Variants in ZFYVE19 observed in about 807,000 individuals in gnomAD.
The protein encoded by ZFYVE19 is abscission/NoCut checkpoint regulator.
In ZFYVE19, 49 loss-of-function variants were observed where a neutral mutation model predicts 62.8. The observed-to-expected ratio is 0.78, with a 90% confidence interval of 0.62 to 0.99. The LOEUF (loss-of-function observed/expected upper bound fraction) is 0.99. ZFYVE19 is among the 50% of genes least tolerant of loss of function. The pLI, the probability that ZFYVE19 is intolerant of heterozygous loss-of-function variation, is 0.00. For missense variants in ZFYVE19, 630 were observed against 601.9 expected (o/e 1.05, Z -0.49); for synonymous variants, 242 against 234.3 (o/e 1.03, Z -0.30).
intron 1 of ZFYVE19, chr15:40,808,378 G>C: frequency 6.3e-7 from 1 of 1,596,634 alleles, no homozygotes; most frequent in South Asian, 1.1e-5. Context: ...GTAAACTGCA[G>C]GTTCCCTCTG....
Position 40,809,472 on chromosome 15 carries a change from A to T in ZFYVE19, c.452+14A>T. 6.2e-7 allele frequency: 1 copy of T among 1,613,992 alleles called. No individual in the cohort carries two copies. The highest frequency in any genetic ancestry group is 8.5e-7 in the Non-Finnish European group (1 of 1,179,872). ...GAACTATAAGAAGTAAGTGCTGAAG[A>T]GAAAAAGACAAAGAGCATTGGGGAA... On this transcript the variant is annotated intron_variant, in intron 3 of 10. Transcript: ENST00000355341.
chr15:40,813,018 C>A, intron 7 of ZFYVE19, 116 bp downstream of exon 7: 2 of 1,216,402 alleles, frequency 1.6e-6, no homozygotes, highest in Non-Finnish European at 2.3e-6. Context: ...CAGCCCAGAG[C>A]CACAAGGAAG....
Position 40,807,293 on chromosome 15 carries a change from C to T in ZFYVE19, c.-297C>T, listed in dbSNP as rs1245667705. 6.2e-7 allele frequency: 1 copy of T among 1,612,548 alleles called. No homozygotes were observed. The highest frequency in any genetic ancestry group is 2.2e-5 in the East Asian group (1 of 44,858). On this transcript the variant is annotated 5_prime_UTR_variant, in exon 1 of 11. An upstream open reading frame in the 5' UTR gains an earlier in-frame stop. Transcript: ENST00000355341. ...CCGAATGAACCTGGAGAGCGGATGC[C>T]AGCAGTGGCCGAGGCGCTAGGACAG... is the stretch of plus-strand genomic sequence containing the variant.
chr15:40,811,558 A>G (rs1364775436), intron 6 of ZFYVE19, among the ~76,000 whole-genome samples: 4 of 151,884 alleles, frequency 2.6e-5, no homozygotes, highest in East Asian at 1.9e-4. Context: ...CTTTAGAGGC[A>G]CAATCTCATT....
chr15:40,810,260 G>C, intron 5 of ZFYVE19, 44 bp downstream of exon 5: 1 of 1,606,116 alleles, frequency 6.2e-7, no homozygotes, highest in Non-Finnish European at 8.5e-7. Flanking sequence ...GCTAGCGGGA[G>C]GACCCAGCAG....
chr15:40,810,805 C>G, intron 6 of ZFYVE19, 48 bp downstream of exon 6: 1 of 1,548,164 alleles, frequency 6.5e-7, no homozygotes, highest in Non-Finnish European at 8.7e-7. Flanking sequence ...CCTCTTTCCC[C>G]AGACTGGAGA....
intron 1 of ZFYVE19, 75 bp from the exon 2 acceptor site, chr15:40,809,044 T>C (rs953993829): frequency 1.3e-6 from 2 of 1,581,756 alleles, no homozygotes; most frequent in African/African-American, 1.3e-5. Context: ...TCTCTCTGTG[T>C]GTGCTTGGAG....
In ZFYVE19 at chr15:40,807,826, G is replaced by T; in HGVS notation, c.237G>T (p.Arg79Ser). 1.9e-6 allele frequency: 3 copies of T among 1,539,448 alleles called. No homozygotes were observed. The highest frequency in any genetic ancestry group is 2.6e-6 in the Non-Finnish European group (3 of 1,150,316). The part of the protein sequence containing the change: ...PAVLGATMES[R>S]CYGCAVKFTL... ...TGCTGGGAGCCACCATGGAGAGTAG[G>T]TGCTACGGCTGCGCTGTCAAGTTCA... Residue 79 changes from arginine (R) to serine (S), a missense_variant, in exon 1 of 11, where the codon AGG (arginine) becomes AGT (serine). Coordinates refer to ENST00000355341, the MANE Select transcript of ZFYVE19 (RefSeq NM_001077268.2).
In ZFYVE19 at chr15:40,807,122, G is replaced by C. The variant is rs1302928204; in HGVS notation, c.-468G>C. On this transcript the variant is annotated 5_prime_UTR_variant, in exon 1 of 11. Transcript: ENST00000355341. ...CTGCCTCGCCCCGCGGCCTCTAGGA[G>C]ACAGGGGCCACGGGGAGAGCACAGC... 1.1e-6 allele frequency: 1 copy of C among 940,320 alleles called. No individual in the cohort carries two copies. 58.2% of individuals were successfully genotyped at this position (940,320 alleles called of 1,614,324 possible). A position where few individuals can be genotyped will look rare whatever the true frequency, so the allele number is the denominator to read the frequency against.
At chr15:40,808,971 C>A in intron 1 of ZFYVE19, 148 bp from the exon 2 acceptor site, 3 of 1,003,634 alleles carry the variant, frequency 3.0e-6, no homozygotes, top group South Asian at 1.5e-5. Flanking sequence ...ACTCACCATC[C>A]CTAGGCCTTA....
rs1181376902 is a variant in ZFYVE19 at position 40,812,557 on chromosome 15, AAAAGAAAGAAAG to A, written c.827-118_827-107del. ...CGAGACTCCATCTCAAAAAAAAAAA[AAAAGAAAGAAAG>A]AAAGAAAGAAAGAAAGAAAGAAAAA... On this transcript the variant is annotated intron_variant, in intron 6 of 10. Transcript: ENST00000355341. 3.4e-4 allele frequency: 158 copies of A among 465,044 alleles called. 1 individual carries two copies. The highest frequency in any genetic ancestry group is 8.2e-4 in the African/African-American group (33 of 40,056). The allele number at this position is 465,044 out of a possible 1,614,324, so 28.8% of individuals were successfully genotyped here. A position where few individuals can be genotyped will look rare whatever the true frequency, so the allele number is the denominator to read the frequency against.
chr15:40,812,662 G>A (rs1890531904), intron 6 of ZFYVE19, 37 bp from the exon 7 acceptor site: 1 of 1,552,640 alleles, frequency 6.4e-7, no homozygotes, highest in Non-Finnish European at 8.8e-7. Flanking sequence ...GAGATACTGG[G>A]ATGTCTCGGC....
In ZFYVE19 at chr15:40,814,389, C is replaced by G; in HGVS notation, c.*163C>G. 1 of 804,308 alleles carries G rather than the reference C, an allele frequency of 1.2e-6. No individual in the cohort carries two copies. The highest frequency in any genetic ancestry group is 1.9e-6 in the Non-Finnish European group (1 of 516,292). 49.8% of individuals were successfully genotyped at this position (804,308 alleles called of 1,614,324 possible). On this transcript the variant is annotated 3_prime_UTR_variant, in exon 11 of 11. Transcript: ENST00000355341. ...CTGGAATGAGGAAAGATTCTCCATT[C>G]GAGAGAATGACTGGGAGGGAAGAAG... is the stretch of plus-strand genomic sequence containing the variant.
rs184741927 is a variant in ZFYVE19 at position 40,813,737 on chromosome 15, G to C, written c.1135G>C (p.Glu379Gln). 176 of 1,614,064 alleles carry C rather than the reference G, an allele frequency of 1.1e-4. No individual in the cohort carries two copies. The highest frequency in any genetic ancestry group is 1.4e-4 in the Non-Finnish European group (170 of 1,179,990). The change falls in exon 9 of 11, where the codon GAG (glutamate) becomes CAG (glutamine). Residue 379 changes from glutamate (E) to glutamine (Q), a missense_variant. Coordinates refer to ENST00000355341, the MANE Select transcript of ZFYVE19 (RefSeq NM_001077268.2). The part of the protein sequence containing the change: ...QQLTEEASLD[E>Q]ASGFNIPAEQ... ...GCTCACTGAAGAAGCTTCCCTGGAT[G>C]AGGCAAGTGGCTTTAACATCCCTGC...
chr15:40,809,227 G>A lies in ZFYVE19; in HGVS notation c.388G>A (p.Glu130Lys). Residue 130 changes from glutamate (E) to lysine (K), a missense_variant, in exon 2 of 11, where the codon GAG becomes AAG. By Grantham distance (56) the Glu-to-Lys change is moderately conservative. Coordinates refer to ENST00000355341, the MANE Select transcript of ZFYVE19 (RefSeq NM_001077268.2). Reference sequence around the variant, plus strand: ...ACAGAAAGTCTGCAAGCAATGCCATGAGGTCCTGACCAGGTAAGAGGCAGG... The same window carrying A: ...ACAGAAAGTCTGCAAGCAATGCCATAAGGTCCTGACCAGGTAAGAGGCAGG... ...TQQKVCKQCHEVLTRGSSANA... is the reference protein window; with the variant it reads ...TQQKVCKQCHKVLTRGSSANA... 1 of 1,614,226 alleles carries A rather than the reference G, an allele frequency of 6.2e-7. No homozygotes were observed. Among genetic ancestry groups the A allele is most frequent in the Non-Finnish European group, 8.5e-7 (1 of 1,180,044 alleles).
chr15:40,809,710 T>G, intron 3 of ZFYVE19, 142 bp from the exon 4 acceptor site: 1 of 988,284 alleles, frequency 1.0e-6, no homozygotes, highest in Non-Finnish European at 1.5e-6. Flanking sequence ...CAGGGTGACA[T>G]GAGTGAGGGG....
In ZFYVE19 at chr15:40,807,434, T is replaced by A. The variant is rs777087065; in HGVS notation, c.-156T>A. The A allele has an allele frequency of 1.9e-6, 3 of 1,614,250 alleles. No individual in the cohort carries two copies. In the South Asian group the frequency reaches 3.3e-5, roughly 18 times the overall value. On this transcript the variant is annotated 5_prime_UTR_variant, in exon 1 of 11. It introduces an in-frame stop codon into an upstream open reading frame of the 5' UTR. Coordinates refer to ENST00000355341, the MANE Select transcript of ZFYVE19 (RefSeq NM_001077268.2). ...TACAGGTCCATCTGTAAGAGCTCCTTGGTCACTGCCATGGTTCCGGCCTGA... is the reference window on the plus strand; with the variant it reads ...TACAGGTCCATCTGTAAGAGCTCCTAGGTCACTGCCATGGTTCCGGCCTGA...
chr15:40,808,234 G>A, intron 1 of ZFYVE19: 3 of 1,595,620 alleles, frequency 1.9e-6, no homozygotes, highest in Non-Finnish European at 2.5e-6. Flanking sequence ...CCTCTGCTCT[G>A]AAATCTTCCC....
At position 40,809,198 on chromosome 15, in the gene ZFYVE19, C is replaced by G; in HGVS notation, c.359C>G (p.Thr120Ser). ...FSAAVPRTGNTQQKVCKQCHE... is the reference protein window; with the variant it reads ...FSAAVPRTGNSQQKVCKQCHE... ...GCAGCAGTGCCTCGGACTGGGAACA[C>G]CCAACAGAAAGTCTGCAAGCAATGC... The change falls in exon 2 of 11, where the codon ACC (threonine) becomes AGC (serine). Residue 120 changes from threonine (T) to serine (S), a missense_variant. Physicochemically the swap from Thr to Ser is moderately conservative, Grantham distance 58. Coordinates refer to ENST00000355341, the MANE Select transcript of ZFYVE19 (RefSeq NM_001077268.2). 6.2e-7 allele frequency: 1 copy of G among 1,614,210 alleles called. No individual in the cohort carries two copies. Among genetic ancestry groups the G allele is most frequent in the Non-Finnish European group, 8.5e-7 (1 of 1,180,044 alleles).
Sources: allele counts gnomAD v4.1 joint callset (sites outside exome capture counted in the v4.1 genomes callset), GRCh38; gene constraint gnomAD v4.1.1; transcripts MANE v1.5; gene names NCBI Gene and HGNC (gene_info 2026-07-23, HGNC 2026-07-21).